Variants in G6PC3 observed in about 807,000 individuals in gnomAD.
The protein encoded by G6PC3 is glucose-6-phosphatase 3.
A neutral mutation model predicts 38.6 loss-of-function variants in G6PC3; 30 were observed. The ratio of observed to expected loss-of-function variants is 0.78; its 90% CI spans 0.58 to 1.05. G6PC3 has a LOEUF of 1.05. Among genes scored for constraint, G6PC3 ranks in the 50% least tolerant of loss-of-function variants. G6PC3 has a pLI of 0.00. For missense variants in G6PC3, 377 were observed against 443.1 expected (o/e 0.85, Z 1.34); for synonymous variants, 192 against 178.1 (o/e 1.08, Z -0.62).
chr17:44,071,746 A>T (rs1195184921), intron 1 of G6PC3: 1 of 757,010 alleles, frequency 1.3e-6, no homozygotes, highest in Non-Finnish European at 2.0e-6. Flanking sequence ...CTGGCTAAAA[A>T]CGCAGACTCT....
chr17:44,076,022 AC>A lies in G6PC3; in HGVS notation c.1022del (p.Pro341ArgfsTer24), dbSNP rs2050101219. 4.3e-6 allele frequency: 7 copies of A among 1,612,698 alleles called. No homozygotes were observed. Among genetic ancestry groups the A allele is most frequent in the Non-Finnish European group, 5.1e-6 (6 of 1,179,938 alleles). On this transcript the variant is annotated frameshift_variant, in exon 6 of 6. Transcript: ENST00000269097. LOFTEE classifies it high-confidence loss of function. ...AVHMFSAQEA[P>X]PIHSS The stretch of plus-strand genomic sequence containing the variant: ...TGCACATGTTCAGTGCCCAGGAAGC[AC>A]CGCCCATCCACTCTTCCTGACTTCT...
At chr17:44,075,571 C>G in intron 5 of G6PC3, 109 bp from the exon 6 acceptor site, 1 of 1,598,934 alleles carries the variant, frequency 6.3e-7, no homozygotes, top group South Asian at 1.1e-5. Flanking sequence ...CACATAGACC[C>G]TCACAGGCAC....
At position 44,070,737 on chromosome 17, in the gene G6PC3, T is replaced by G; in HGVS notation, c.-229T>G. 3.3e-6 allele frequency: 2 copies of G among 609,386 alleles called. No homozygotes were observed. Among genetic ancestry groups the G allele is most frequent in the East Asian group, 2.9e-5 (1 of 34,592 alleles). 37.7% of individuals were successfully genotyped at this position (609,386 alleles called of 1,614,324 possible). ...AAGGTTTGTCCCCTGCGCTGCCCAG[T>G]AGGGAGGAAAACCGGAGGAGAGCGC... On this transcript the variant is annotated 5_prime_UTR_variant, in exon 1 of 6. Coordinates refer to ENST00000269097, the MANE Select transcript of G6PC3 (RefSeq NM_138387.4).
rs1221788442 is a variant in G6PC3, at chr17:44,074,148, G to A, written c.219-12G>A. ...GCATGTGGAAAGTCATCTTGCATCT[G>A]TTCTCTTCCAGGTTTCTTTTTGGAG... On this transcript the variant is annotated splice_polypyrimidine_tract_variant and intron_variant, in intron 1 of 5. Coordinates refer to ENST00000269097, the MANE Select transcript of G6PC3 (RefSeq NM_138387.4). 6 of 1,591,558 alleles carry A rather than the reference G, an allele frequency of 3.8e-6. No homozygotes were observed. The East Asian group carries it at 1.1e-4, about 30-fold the overall frequency.
intron 1 of G6PC3, chr17:44,072,143 TA>T (rs1476856898): frequency 4.8e-6 from 1 of 206,324 alleles, no homozygotes; most frequent in Non-Finnish European, 1.0e-5. Flanking sequence ...CATCCTTATG[TA>T]AAGGGAACCA....
chr17:44,074,160 G>T lies in G6PC3; in HGVS notation c.219G>T (p.Trp73Cys). The change falls in exon 2 of 6, where the codon TGG becomes TGT. Residue 73 changes from tryptophan to cysteine, a missense_variant and splice_region_variant. Transcript: ENST00000269097. ...ITEWLNLIFK[W>C]FLFGDRPFWW... ...TCATCTTGCATCTGTTCTCTTCCAG[G>T]TTTCTTTTTGGAGACAGGCCCTTTT... The T allele has an allele frequency of 6.2e-7, 1 of 1,609,674 alleles. No homozygotes were observed. Among genetic ancestry groups the T allele is most frequent in the Non-Finnish European group, 8.5e-7 (1 of 1,176,068 alleles).
chr17:44,074,946 C>G (rs1369295880), intron 3 of G6PC3, 23 bp from the exon 4 acceptor site: 2 of 1,592,904 alleles, frequency 1.3e-6, no homozygotes, highest in Non-Finnish European at 8.6e-7. Context: ...ACGCTCTGAG[C>G]TCCTTGCCTC....
At position 44,076,140 on chromosome 17, in the gene G6PC3, G is replaced by C. The variant is rs565305947; in HGVS notation, c.*97G>C. The C allele has an allele frequency of 5.8e-4, 878 of 1,502,798 alleles. 3 individuals carry two copies. The highest frequency in any genetic ancestry group is 4.0e-4 in the Non-Finnish European group (437 of 1,092,388). The allele number at this position is 1,502,798 out of a possible 1,614,324, so 93.1% of individuals were successfully genotyped here. A position where few individuals can be genotyped will look rare whatever the true frequency, so the allele number is the denominator to read the frequency against. ...AGCCCCATCCCCTTCCAGCCCCTAA[G>C]TAGGCCCTCCCCTCCCTAAATCTGC... On this transcript the variant is annotated 3_prime_UTR_variant, in exon 6 of 6. Transcript: ENST00000269097.
In G6PC3 at chr17:44,075,421, C is replaced by T. The variant is rs34406052; in HGVS notation, c.647C>T (p.Thr216Ile). 2.7e-3 allele frequency: 4,325 copies of T among 1,614,152 alleles called. 75 individuals carry two copies. In the African/African-American group the frequency reaches 0.047, roughly 17 times the overall value. Residue 216 changes from threonine to isoleucine, a missense_variant, in exon 5 of 6, where the codon ACC becomes ATC. By Grantham distance (89) the Thr-to-Ile change is moderately conservative (BLOSUM62 -1). Transcript: ENST00000269097. ...LMLGTSLIYW[T>I]LFTLGLDLSW... The stretch of plus-strand genomic sequence containing the variant: ...CTAGGCACCAGCCTCATCTATTGGA[C>T]CCTCTTTACACTGGGCCTGGATCTT...
chr17:44,076,290 G>C lies in G6PC3; in HGVS notation c.*247G>C. 1.4e-6 allele frequency: 1 copy of C among 691,280 alleles called. No individual in the cohort carries two copies. The highest frequency in any genetic ancestry group is 2.6e-6 in the Non-Finnish European group (1 of 379,548). 42.8% of individuals were successfully genotyped at this position (691,280 alleles called of 1,614,324 possible). A position where few individuals can be genotyped will look rare whatever the true frequency, so the allele number is the denominator to read the frequency against. On this transcript the variant is annotated 3_prime_UTR_variant, in exon 6 of 6. Coordinates refer to ENST00000269097, the MANE Select transcript of G6PC3 (RefSeq NM_138387.4). ...GCAACAGCAAGACCAGCGGGTTCTT[G>C]CAACACTGTGAGGGGCAGCCAGGGC...
chr17:44,071,684 A>T, intron 1 of G6PC3: 1 of 1,272,952 alleles, frequency 7.9e-7, no homozygotes, highest in South Asian at 1.2e-5. Context: ...CACCTTGCAG[A>T]TTAAGGTGTG....
rs780038679 is a variant in G6PC3, at chr17:44,075,006, ACCTT to A, written c.459_462del (p.Leu154TrpfsTer11). 1 of 1,613,926 alleles carries A rather than the reference ACCTT, an allele frequency of 6.2e-7. No homozygotes were observed. The highest frequency in any genetic ancestry group is 8.5e-7 in the Non-Finnish European group (1 of 1,179,954). ...GGTGATGCCTAGCCTGGCTTATTGC[ACCTT>A]CCTTTTGGCGGTTGGCTTGTCGCGA... is the stretch of plus-strand genomic sequence containing the variant. On this transcript the variant is annotated frameshift_variant, in exon 4 of 6. Coordinates refer to ENST00000269097, the MANE Select transcript of G6PC3 (RefSeq NM_138387.4).
chr17:44,072,360 C>G (rs1283991920), intron 1 of G6PC3: 1 of 134,884 alleles, frequency 7.4e-6, no homozygotes, highest in Non-Finnish European at 1.5e-5. Context: ...GACGGAGTCT[C>G]GCTCAGTTGC....
chr17:44,071,716 G>A, intron 1 of G6PC3: 1 of 1,061,274 alleles, frequency 9.4e-7, no homozygotes, highest in Non-Finnish European at 1.3e-6. Flanking sequence ...ATGCCCAACG[G>A]CATAGGCAGC....
Position 44,075,455 on chromosome 17 carries a change from A to G in G6PC3, c.677+4A>G, listed in dbSNP as rs1356008417. The G allele has an allele frequency of 1.2e-6, 2 of 1,613,924 alleles. No homozygotes were observed. Among genetic ancestry groups the G allele is most frequent in the Admixed American group, 3.3e-5 (2 of 59,992 alleles). On this transcript the variant is annotated splice_donor_region_variant and intron_variant, in intron 5 of 5. Transcript: ENST00000269097. Reference sequence around the variant, plus strand: ...CACTGGGCCTGGATCTTTCTTGGTAAGTCTCGCTTTGAAGCCTGGGCAGGC... The same window carrying G: ...CACTGGGCCTGGATCTTTCTTGGTAGGTCTCGCTTTGAAGCCTGGGCAGGC...
In G6PC3 at chr17:44,076,342, TG is replaced by T. The variant is rs1434961065; in HGVS notation, c.*300del. On this transcript the variant is annotated 3_prime_UTR_variant, in exon 6 of 6. Transcript: ENST00000269097. ...GCCCCAATAAAGCCCTTGAATACTT[TG>T]AGATTCCTTTCTTGCCTATGCGCAC... 1.7e-6 allele frequency: 1 copy of T among 605,142 alleles called. No homozygotes were observed. Among genetic ancestry groups the T allele is most frequent in the Non-Finnish European group, 3.1e-6 (1 of 325,102 alleles). The allele number at this position is 605,142 out of a possible 1,614,324, so 37.5% of individuals were successfully genotyped here. A position where few individuals can be genotyped will look rare whatever the true frequency, so the allele number is the denominator to read the frequency against.
chr17:44,074,079 GTAC>G, intron 1 of G6PC3, 78 bp from the exon 2 acceptor site: 1 of 931,408 alleles, frequency 1.1e-6, no homozygotes, highest in Non-Finnish European at 1.8e-6. Flanking sequence ...GCCCTCCAGA[GTAC>G]TCTGTGTCCT....
rs766465888 is a variant in G6PC3 at position 44,070,999 on chromosome 17, G to A, written c.34G>A (p.Ala12Thr). 4.5e-6 allele frequency: 7 copies of A among 1,561,050 alleles called. No individual in the cohort carries two copies. In the South Asian group the frequency reaches 4.7e-5, roughly 10 times the overall value. The change falls in exon 1 of 6, where the codon GCC (alanine) becomes ACC (threonine). Residue 12 changes from alanine to threonine, a missense_variant. Ala to Thr is a moderately conservative substitution (Grantham distance 58). Transcript: ENST00000269097. ...ESTLGAGIVI[A>T]EALQNQLAWL... Reference sequence around the variant, plus strand: ...CACGCTGGGCGCGGGCATCGTGATAGCCGAGGCGCTACAGAACCAGCTAGC... The same window carrying A: ...CACGCTGGGCGCGGGCATCGTGATAACCGAGGCGCTACAGAACCAGCTAGC...
Position 44,075,077 on chromosome 17 carries a change from C to T in G6PC3, c.525C>T (p.Gly175=), listed in dbSNP as rs752140277. Residue 175 remains glycine, a synonymous_variant, in exon 4 of 6, where the codon GGC becomes GGT. Transcript: ENST00000269097. ...ATTTCCCTCACCAGGTGCTGGCTGG[C>T]CTAATAACTGGTGAGCAACTGGGGC... ...LAHFPHQVLA[G]LITGAVLGWL... 1 of 1,613,102 alleles carries T rather than the reference C, an allele frequency of 6.2e-7. No individual in the cohort carries two copies. Among genetic ancestry groups the T allele is most frequent in the Non-Finnish European group, 8.5e-7 (1 of 1,179,082 alleles).
Sources: allele counts gnomAD v4.1 joint callset, GRCh38; gene constraint gnomAD v4.1.1; transcripts MANE v1.5; gene names NCBI Gene and HGNC (gene_info 2026-07-23, HGNC 2026-07-21).